Variants in APBB2 observed in about 807,000 individuals in gnomAD.
The protein encoded by APBB2 is Fe65-like 1.
APBB2 carries 38 observed loss-of-function variants against 82.5 expected under a neutral mutation model. The observed-to-expected ratio is 0.46, with a 90% CI of 0.36 to 0.60. The LOEUF (loss-of-function observed/expected upper bound fraction) is 0.60. APBB2 is among the 20% of genes least tolerant of loss of function. The pLI, the probability that APBB2 is intolerant of heterozygous loss-of-function variation, is 0.00. For synonymous variants in APBB2, 341 were observed against 368.2 expected (o/e 0.93, Z 0.85); for missense variants, 772 against 972.3 (o/e 0.79, Z 2.74).
At chr4:41,129,890 T>C (rs996136854) in intron 2 of APBB2, among the ~76,000 whole-genome samples, 2 of 152,208 alleles carry the variant, frequency 1.3e-5, no homozygotes, top group Admixed American at 6.5e-5. Flanking sequence ...TATGCAGGTA[T>C]GTTAGAAGGG....
Position 40,826,079 on chromosome 4 carries a change from C to G in APBB2, c.1733-109G>C. 1 of 798,776 alleles carries G rather than the reference C, an allele frequency of 1.3e-6. No individual in the cohort carries two copies. Among genetic ancestry groups the G allele is most frequent in the Non-Finnish European group, 2.2e-6 (1 of 449,082 alleles). The allele number at this position is 798,776 out of a possible 1,614,324, so 49.5% of individuals were successfully genotyped here. A position where few individuals can be genotyped will look rare whatever the true frequency, so the allele number is the denominator to read the frequency against. On this transcript the variant is annotated intron_variant, in intron 14 of 17. Transcript: ENST00000508593. This position sits in a 1 kb window ranked among gnomAD's most constrained non-coding sequence, Gnocchi z 4.5. ...GCTCAGGACACGCCCTGTGCCATAA[C>G]GCCCTATGTTTCTGGATGTAAATGT...
At chr4:40,830,682 A>G in intron 12 of APBB2, 105 bp from the exon 13 acceptor site, 1 of 680,872 alleles carries the variant, frequency 1.5e-6, no homozygotes, top group Non-Finnish European at 2.7e-6. Context: ...TCAATGGTAA[A>G]CAATGTATGC....
intron 6 of APBB2, among the ~76,000 whole-genome samples, chr4:41,004,220 CA>C (rs1269712612): frequency 2.0e-5 from 3 of 152,146 alleles, no homozygotes; most frequent in Non-Finnish European, 4.4e-5. Flanking sequence ...CGCCCGGCCA[CA>C]AATTTCTATT....
chr4:41,059,773 C>T (rs1166913305), intron 4 of APBB2, among the ~76,000 whole-genome samples: 5 of 152,158 alleles, frequency 3.3e-5, no homozygotes, highest in South Asian at 4.1e-4. Context: ...AATCTCTGTT[C>T]GGGGCTCTCA....
chr4:40,893,165 C>T, intron 11 of APBB2, 100 bp downstream of exon 11: 1 of 1,436,854 alleles, frequency 7.0e-7, no homozygotes, highest in Non-Finnish European at 9.4e-7. Context: ...TGATGAACAC[C>T]TCGGAGCCCC....
rs527608032 is a variant in APBB2, at chr4:41,149,753, G to T, written c.-416-6611C>A. Among the ~76,000 whole-genome samples, 69 of 152,204 alleles carry T rather than the reference G, an allele frequency of 4.5e-4. 1 individual carries two copies. The highest frequency in any genetic ancestry group is 1.6e-3 in the African/African-American group (68 of 41,516). On this transcript the variant is annotated intron_variant, in intron 1 of 17. Coordinates refer to ENST00000508593, the MANE Select transcript of APBB2 (RefSeq NM_004307.2). ...CCATGTGTCATGGCAGGGACCCAGT[G>T]GGCGGTAACTGAATCACTGAATCAT...
chr4:41,068,333 C>A (rs932350631), intron 3 of APBB2, among the ~76,000 whole-genome samples: 27 of 152,148 alleles, frequency 1.8e-4, no homozygotes, highest in African/African-American at 5.8e-4. Flanking sequence ...ACTGCAATCA[C>A]AGAAATGAAA....
intron 4 of APBB2, among the ~76,000 whole-genome samples, chr4:41,055,363 T>C (rs1233533981): frequency 6.6e-6 from 1 of 152,126 alleles, no homozygotes; most frequent in African/African-American, 2.4e-5. Flanking sequence ...CTAGAACAAA[T>C]AGAAGTGCTA....
intron 1 of APBB2, among the ~76,000 whole-genome samples, chr4:41,211,847 T>C (rs1378057471): frequency 1.3e-5 from 2 of 152,216 alleles, no homozygotes; most frequent in Admixed American, 6.5e-5. Context: ...ATTTTTCTTA[T>C]TTTTTCCTTC....
At chr4:41,130,306 T>C (rs1355338046) in intron 2 of APBB2, among the ~76,000 whole-genome samples, 4 of 152,194 alleles carry the variant, frequency 2.6e-5, no homozygotes, top group Non-Finnish European at 4.4e-5. Flanking sequence ...AAGAATGGAA[T>C]GTGGACATGT....
At chr4:41,108,694 C>T (rs1748113393) in intron 2 of APBB2, among the ~76,000 whole-genome samples, 1 of 152,228 alleles carries the variant, frequency 6.6e-6, no homozygotes, top group African/African-American at 2.4e-5. Flanking sequence ...ATTCCTCACC[C>T]ACCCCTGGCT....
intron 2 of APBB2, among the ~76,000 whole-genome samples, chr4:41,141,464 G>A (rs1283358598): frequency 6.6e-6 from 1 of 152,076 alleles, no homozygotes; most frequent in East Asian, 1.9e-4. Flanking sequence ...GATTTATCCT[G>A]TGTTGTCTTA....
At chr4:40,853,281 C>T (rs1488647166) in intron 12 of APBB2, among the ~76,000 whole-genome samples, 3 of 152,168 alleles carry the variant, frequency 2.0e-5, no homozygotes, top group Non-Finnish European at 4.4e-5. Context: ...ATGAAATAAA[C>T]TAGATCATGG....
intron 1 of APBB2, among the ~76,000 whole-genome samples, chr4:41,212,434 G>C (rs893945876): frequency 2.0e-5 from 3 of 152,046 alleles, no homozygotes; most frequent in Non-Finnish European, 4.4e-5. Flanking sequence ...CAAACTCCTA[G>C]GCTCAAGCAA....
At chr4:41,197,015 A>T in intron 1 of APBB2, among the ~76,000 whole-genome samples, 1 of 152,168 alleles carries the variant, frequency 6.6e-6, no homozygotes, top group East Asian at 1.9e-4. Flanking sequence ...TTTGAAGACA[A>T]TTAACAACAA....
At chr4:41,202,043 C>T (rs1776823614) in intron 1 of APBB2, among the ~76,000 whole-genome samples, 1 of 152,174 alleles carries the variant, frequency 6.6e-6, no homozygotes, top group Non-Finnish European at 1.5e-5. Flanking sequence ...GAACATGCCC[C>T]CAGGAGCTTC....
intron 5 of APBB2, among the ~76,000 whole-genome samples, chr4:41,032,886 G>A (rs1260556957): frequency 1.5e-5 from 2 of 133,614 alleles, no homozygotes; most frequent in East Asian, 4.9e-4. Flanking sequence ...CCGGGTTCAC[G>A]CCATTCTCCT....
chr4:40,895,088 T>C (rs1432282425), intron 10 of APBB2, among the ~76,000 whole-genome samples: 5 of 152,146 alleles, frequency 3.3e-5, no homozygotes, highest in African/African-American at 7.2e-5. Flanking sequence ...CCTGAAGTGA[T>C]CATATTCGGT....
intron 2 of APBB2, among the ~76,000 whole-genome samples, chr4:41,101,470 C>CAAAAAAAAAAAAAAAA (rs150527764): frequency 1.4e-5 from 1 of 72,524 alleles, no homozygotes; most frequent in Non-Finnish European, 2.4e-5. Context: ...GACTCCGTCT[C>CAAAAAAAAAAAAAAAA]AAAAAAAAAA....
Sources: allele counts gnomAD v4.1 joint callset (sites outside exome capture counted in the v4.1 genomes callset), GRCh38; gene constraint gnomAD v4.1.1; non-coding constraint Gnocchi (gnomAD v3.1); transcripts MANE v1.5; gene names NCBI Gene and HGNC (gene_info 2026-07-23, HGNC 2026-07-21).